The following SLC6A12 variants were observed in gnomAD, a reference collection of about 807,000 sequenced individuals.
SLC6A12 encodes solute carrier family 6 member 12.
Under a neutral mutation model 73.3 loss-of-function variants are expected in SLC6A12, and 50 were observed. The ratio of observed to expected loss-of-function variants is 0.68; its 90% CI spans 0.54 to 0.86. The LOEUF (loss-of-function observed/expected upper bound fraction) is 0.86. Ranked by LOEUF, SLC6A12 falls within the 40% of genes least tolerant of loss-of-function variation. SLC6A12 has a pLI of 0.00. For missense variants in SLC6A12, 648 were observed against 772.8 expected (o/e 0.84, Z 1.92); for synonymous variants, 304 against 309.2 (o/e 0.98, Z 0.18).
At chr12:197,603 C>G in intron 9 of SLC6A12, 102 bp from the exon 10 acceptor site, 2 of 1,261,468 alleles carry the variant, frequency 1.6e-6, no homozygotes, top group South Asian at 3.2e-5. Context: ...GAGAGGGGAC[C>G]AAGGAGAGAG....
chr12:203,808 G>C lies in SLC6A12; in HGVS notation c.349+756C>G, dbSNP rs1267681583. 11 of 128,180 alleles carry C rather than the reference G, an allele frequency of 8.6e-5. No homozygotes were observed. The East Asian group carries it at 3.4e-3, about 40-fold the overall frequency. The allele number at this position is 128,180 out of a possible 1,614,324, so 7.9% of individuals were successfully genotyped here. A position where few individuals can be genotyped will look rare whatever the true frequency, so the allele number is the denominator to read the frequency against. ...AAGGGGCTCGCGGGGGAGCGCGGGG[G>C]CGCGCGGGGGCGCGCCTCGAGCCAG... On this transcript the variant is annotated intron_variant, in intron 4 of 15. Coordinates refer to ENST00000684302, the MANE Select transcript of SLC6A12 (RefSeq NM_001122848.3).
At chr12:199,124 A>T in intron 7 of SLC6A12, 193 bp from the exon 8 acceptor site, 6 of 332,962 alleles carry the variant, frequency 1.8e-5, no homozygotes, top group Non-Finnish European at 2.9e-5. Context: ...CCAGGGTGTG[A>T]GATACACATC....
Position 204,514 on chromosome 12 carries a change from G to A in SLC6A12, c.349+50C>T, listed in dbSNP as rs778372432. 4.4e-6 allele frequency: 7 copies of A among 1,576,288 alleles called. 1 individual carries two copies. In the South Asian group the frequency reaches 7.7e-5, roughly 17 times the overall value. On this transcript the variant is annotated intron_variant, in intron 4 of 15. Coordinates refer to ENST00000684302, the MANE Select transcript of SLC6A12 (RefSeq NM_001122848.3). ...AGGCAGGGAGAGACCATGGGGGGATGCAGGCAAGATGGCGGCCCCATGAAG... is the reference window on the plus strand; with the variant it reads ...AGGCAGGGAGAGACCATGGGGGGATACAGGCAAGATGGCGGCCCCATGAAG...
At position 200,546 on chromosome 12, in the gene SLC6A12, G is replaced by A. The variant is rs1940199672; in HGVS notation, c.711+105C>T. The A allele has an allele frequency of 4.7e-6, 6 of 1,268,446 alleles. No individual in the cohort carries two copies. The South Asian group carries it at 8.5e-5, about 18-fold the overall frequency. 78.6% of individuals were successfully genotyped at this position (1,268,446 alleles called of 1,614,324 possible). A position where few individuals can be genotyped will look rare whatever the true frequency, so the allele number is the denominator to read the frequency against. ...ATCTCCCCTGCCCTGCTCAGGAAGT[G>A]TAGTTTCTTAATAGAAAGAAATCAG... On this transcript the variant is annotated intron_variant, in intron 7 of 15. Coordinates refer to ENST00000684302, the MANE Select transcript of SLC6A12 (RefSeq NM_001122848.3).
chr12:185,769 A>G (rs1391939933), downstream of SLC6A12, among the ~76,000 whole-genome samples: 1 of 152,182 alleles, frequency 6.6e-6, no homozygotes, highest in African/African-American at 2.4e-5. Flanking sequence ...GACTGGAAGC[A>G]GAGAGCGCTG....
downstream of SLC6A12, among the ~76,000 whole-genome samples, chr12:187,589 C>CAAAAGAGCAAAAAAAA (rs1939453849): frequency 1.9e-5 from 2 of 106,070 alleles, no homozygotes; most frequent in African/African-American, 1.1e-4. Flanking sequence ...TGCAAAAGAG[C>CAAAAGAGCAAAAAAAA]AAAAAAAAAA....
At chr12:193,521 GCCTC>G in intron 13 of SLC6A12, 144 bp from the exon 14 acceptor site, 1 of 602,904 alleles carries the variant, frequency 1.7e-6, no homozygotes, top group East Asian at 2.8e-5. Context: ...TGAGTGAGAC[GCCTC>G]CCTGACACCC....
chr12:204,927 AG>A (rs1940551425), intron 3 of SLC6A12: 1 of 491,476 alleles, frequency 2.0e-6, no homozygotes, highest in African/African-American at 1.9e-5. Context: ...AGGCCTTGGA[AG>A]GGAAATTAGT....
In SLC6A12 at chr12:213,121, T is replaced by A. The variant is rs1306760706; in HGVS notation, c.-143+801A>T. 1.3e-5 allele frequency among the ~76,000 whole-genome samples: 2 copies of A among 152,056 alleles called. No individual in the cohort carries two copies. Among genetic ancestry groups the A allele is most frequent in the African/African-American group, 4.8e-5 (2 of 41,398 alleles). On this transcript the variant is annotated intron_variant, in intron 1 of 15. Transcript: ENST00000684302. The surrounding 1 kb of genome is among the most constrained non-coding windows in gnomAD (Gnocchi z 5.3). ...TGCTGCTGCCCATGTGCTGCTGGGA[T>A]CCCAGCTCTGTCCCCTTTGCTCCCC...
chr12:200,369 A>G (rs1445567022), intron 7 of SLC6A12, among the ~76,000 whole-genome samples: 1 of 152,020 alleles, frequency 6.6e-6, no homozygotes, highest in Admixed American at 6.5e-5. Flanking sequence ...CGGCCTCCCA[A>G]AGTGCTGGGA....
At position 201,750 on chromosome 12, in the gene SLC6A12, C is replaced by T. The variant is rs776175571; in HGVS notation, c.578+12G>A. ...TTCCTCTTCATATGTGGCAAATGGG[C>T]CCAGCACCTACTCCCAGAATTCCAT... On this transcript the variant is annotated intron_variant, in intron 6 of 15. Coordinates refer to ENST00000684302, the MANE Select transcript of SLC6A12 (RefSeq NM_001122848.3). 1.9e-6 allele frequency: 3 copies of T among 1,609,056 alleles called. No individual in the cohort carries two copies. Among genetic ancestry groups the T allele is most frequent in the African/African-American group, 1.3e-5 (1 of 74,922 alleles).
Position 213,281 on chromosome 12 carries a change from C to A in SLC6A12, c.-143+641G>T. On this transcript the variant is annotated intron_variant, in intron 1 of 15. Transcript: ENST00000684302. The surrounding 1 kb of genome is among the most constrained non-coding windows in gnomAD (Gnocchi z 5.3). Reference sequence around the variant, plus strand: ...CCATTTCCCGTCACGTCCCTTCGCACACACATACCTGTGTGCATGGCACCA... The same window carrying A: ...CCATTTCCCGTCACGTCCCTTCGCAAACACATACCTGTGTGCATGGCACCA... 6.6e-6 allele frequency: 1 copy of A among 152,608 alleles called. No homozygotes were observed. 9.5% of individuals were successfully genotyped at this position (152,608 alleles called of 1,614,324 possible).
intron 7 of SLC6A12, among the ~76,000 whole-genome samples, chr12:200,013 A>C (rs1940125251): frequency 1.3e-5 from 2 of 152,204 alleles, no homozygotes; most frequent in Admixed American, 1.3e-4. Context: ...AAGGCAACAC[A>C]GCAAAAATGA....
downstream of SLC6A12, among the ~76,000 whole-genome samples, chr12:187,470 G>A (rs114173806): frequency 4.4e-3 from 670 of 151,518 alleles, 6 homozygotes; most frequent in African/African-American, 0.015. Flanking sequence ...TCCTCCCGAT[G>A]GTTCAGTGGT....
At chr12:212,855 C>T (rs1940960374) in intron 1 of SLC6A12, among the ~76,000 whole-genome samples, 1 of 152,188 alleles carries the variant, frequency 6.6e-6, no homozygotes, top group African/African-American at 2.4e-5. Context: ...CTCGAGTCTC[C>T]TCCAAGGCCG....
chr12:204,242 A>G, intron 4 of SLC6A12: 1 of 329,676 alleles, frequency 3.0e-6, no homozygotes, highest in South Asian at 3.7e-5. Context: ...GAGTAGAGCC[A>G]TAGGTAAGCC....
At chr12:188,422 G>GC (rs1565461754), downstream of SLC6A12, among the ~76,000 whole-genome samples, 1 of 152,002 alleles carries the variant, frequency 6.6e-6, no homozygotes, top group Non-Finnish European at 1.5e-5. Flanking sequence ...GCCCGCAAGC[G>GC]CCGCGCGCAG....
At chr12:187,923 C>T (rs1164854517), downstream of SLC6A12, among the ~76,000 whole-genome samples, 1 of 152,154 alleles carries the variant, frequency 6.6e-6, no homozygotes, top group Admixed American at 6.5e-5. Flanking sequence ...CTGAGCTAGA[C>T]ACAGGGTGCT....
Position 195,320 on chromosome 12 carries a change from A to T in SLC6A12, c.1334T>A (p.Met445Lys). The T allele has an allele frequency of 6.2e-7, 1 of 1,607,174 alleles. No homozygotes were observed. The highest frequency in any genetic ancestry group is 8.5e-7 in the Non-Finnish European group (1 of 1,173,562). The change falls in exon 13 of 16, where the codon ATG (methionine) becomes AAG (lysine). Residue 445 changes from methionine (M) to lysine (K), a missense_variant. Transcript: ENST00000684302. ...IGLFLVTEGG[M>K]YIFQLFDYYA... ...GTAGTCAAACAGCTGGAAGATGTAC[A>T]TCCCGCCCTGTGGGGAGAGCGTGGA... is the stretch of plus-strand genomic sequence containing the variant.
Sources: allele counts gnomAD v4.1 joint callset (sites outside exome capture counted in the v4.1 genomes callset), GRCh38; gene constraint gnomAD v4.1.1; non-coding constraint Gnocchi (gnomAD v3.1); transcripts MANE v1.5; gene names NCBI Gene and HGNC (gene_info 2026-07-23, HGNC 2026-07-21).